LRP8: variants seen among roughly 807,000 people sequenced by gnomAD.
The protein encoded by LRP8 is low-density lipoprotein receptor-related protein 8.
In LRP8, 46 loss-of-function variants were observed where a neutral mutation model predicts 111.6. The observed-to-expected ratio is 0.41, with a 90% confidence interval of 0.33 to 0.53. LRP8 has a LOEUF of 0.53. LRP8 is among the 20% of genes least tolerant of loss of function. The pLI is 0.20. For missense variants in LRP8, 959 were observed against 1,297.4 expected (o/e 0.74, Z 4.01); for synonymous variants, 464 against 511.2 (o/e 0.91, Z 1.24).
At chr1:53,312,163 A>C (rs1206592704) in intron 2 of LRP8, among the ~76,000 whole-genome samples, 1 of 152,176 alleles carries the variant, frequency 6.6e-6, no homozygotes, top group African/African-American at 2.4e-5. Flanking sequence ...ATACGAGGTG[A>C]GCAGGGCAGA....
chr1:53,325,093 G>A (rs1314073734), intron 2 of LRP8, among the ~76,000 whole-genome samples: 1 of 152,212 alleles, frequency 6.6e-6, no homozygotes, highest in African/African-American at 2.4e-5. Context: ...CTCGTCCTCA[G>A]TACTCCCACT....
In LRP8 at chr1:53,294,665, C is replaced by T. The variant is rs961284593; in HGVS notation, c.245-4976G>A. On this transcript the variant is annotated intron_variant, in intron 2 of 18. Transcript: ENST00000306052. The surrounding 1 kb of genome is among the most constrained non-coding windows in gnomAD (Gnocchi z 4.1). ...CCGTGTGTGTAACACTGGGCCCATC[C>T]GTCAAACCTTCTGAGCTTGCCTCCT... Among the ~76,000 whole-genome samples, 1 of 152,202 alleles carries T rather than the reference C, an allele frequency of 6.6e-6. No individual in the cohort carries two copies. Among genetic ancestry groups the T allele is most frequent in the African/African-American group, 2.4e-5 (1 of 41,450 alleles).
chr1:53,285,016 C>T lies in LRP8; in HGVS notation c.368-4301G>A, dbSNP rs1647340227. ...CCAAAGGTAGGACTTGAGCCTGGCT[C>T]GCAGGGTCCCAGGTCAGGCCTCTCT... is the stretch of plus-strand genomic sequence containing the variant. On this transcript the variant is annotated intron_variant, in intron 3 of 18. Coordinates refer to ENST00000306052, the MANE Select transcript of LRP8 (RefSeq NM_004631.5). Among the ~76,000 whole-genome samples, 3 of 152,156 alleles carry T rather than the reference C, an allele frequency of 2.0e-5. 1 individual carries two copies. Among genetic ancestry groups the T allele is most frequent in the South Asian group, 4.1e-4 (2 of 4,832 alleles).
Position 53,246,975 on chromosome 1 carries a change from A to G in LRP8, c.*43T>C, listed in dbSNP as rs1176435893. The G allele has an allele frequency of 2.5e-6, 4 of 1,581,320 alleles. No individual in the cohort carries two copies. The highest frequency in any genetic ancestry group is 3.5e-6 in the Non-Finnish European group (4 of 1,154,142). On this transcript the variant is annotated 3_prime_UTR_variant, in exon 19 of 19. Transcript: ENST00000306052. Reference sequence around the variant, plus strand: ...TCATACACCATCCAGAGTGTAGTGCATGGGACTGAATTCCATGAGGCACGA... The same window carrying G: ...TCATACACCATCCAGAGTGTAGTGCGTGGGACTGAATTCCATGAGGCACGA...
In LRP8 at chr1:53,249,340, C is replaced by T. The variant is rs1053518749; in HGVS notation, c.2853+40G>A. ...CTGCGCCTGCCTTGGTTCATGCCCT[C>T]ACTCACCAGCCCCTCAGACTTAGAG... On this transcript the variant is annotated intron_variant, in intron 18 of 18. Transcript: ENST00000306052. This position sits in a 1 kb window ranked among gnomAD's most constrained non-coding sequence, Gnocchi z 4.1. 6.2e-6 allele frequency: 10 copies of T among 1,600,256 alleles called. No individual in the cohort carries two copies. In the African/African-American group the frequency reaches 6.7e-5, roughly 11 times the overall value.
chr1:53,255,332 C>G, intron 15 of LRP8, 147 bp from the exon 16 acceptor site: 1 of 698,602 alleles, frequency 1.4e-6, no homozygotes, highest in Admixed American at 2.1e-5. Flanking sequence ...TCAGTCTTTC[C>G]AGATCCTATC....
intron 9 of LRP8, 59 bp from the exon 10 acceptor site, chr1:53,264,455 G>A: frequency 1.5e-6 from 2 of 1,358,352 alleles, no homozygotes; most frequent in Non-Finnish European, 2.1e-6. Context: ...CCCATCTGGA[G>A]CTACCTGTGC....
chr1:53,294,941 G>C lies in LRP8; in HGVS notation c.245-5252C>G, dbSNP rs1478321169. On this transcript the variant is annotated intron_variant, in intron 2 of 18. Transcript: ENST00000306052. This position sits in a 1 kb window ranked among gnomAD's most constrained non-coding sequence, Gnocchi z 4.1. ...CCGGGCTGCCCAGGGGCACTGCTCT[G>C]TGCAGCTTCCTCTTGGCAATCCGAA... Among the ~76,000 whole-genome samples, 1 of 152,230 alleles carries C rather than the reference G, an allele frequency of 6.6e-6. No homozygotes were observed. Among genetic ancestry groups the C allele is most frequent in the African/African-American group, 2.4e-5 (1 of 41,456 alleles).
At chr1:53,326,149 G>A (rs1156996464) in intron 2 of LRP8, among the ~76,000 whole-genome samples, 1 of 152,244 alleles carries the variant, frequency 6.6e-6, no homozygotes, top group Non-Finnish European at 1.5e-5. Context: ...AGCCGGGCAG[G>A]GCTAGCAGGA....
chr1:53,274,873 G>A, intron 6 of LRP8: 1 of 455,516 alleles, frequency 2.2e-6, no homozygotes, highest in South Asian at 1.5e-5. Flanking sequence ...TGGACAAGAA[G>A]GGCTGGGCTG....
intron 10 of LRP8, among the ~76,000 whole-genome samples, chr1:53,263,753 G>A (rs1646437474): frequency 6.6e-6 from 1 of 152,204 alleles, no homozygotes; most frequent in African/African-American, 2.4e-5. Flanking sequence ...TTGGCATTAT[G>A]AGGGGAAAAG....
Position 53,249,804 on chromosome 1 carries a change from C to T in LRP8, c.2677-248G>A, listed in dbSNP as rs1645839217. ...TCTGTCACCTTCTCTGTGAGGCATT[C>T]CTTGCCTGATTCCCCAGACAGAATT... is the stretch of plus-strand genomic sequence containing the variant. On this transcript the variant is annotated intron_variant, in intron 17 of 18. Transcript: ENST00000306052. The surrounding 1 kb of genome is among the most constrained non-coding windows in gnomAD (Gnocchi z 4.1). Among the ~76,000 whole-genome samples, 1 of 152,222 alleles carries T rather than the reference C, an allele frequency of 6.6e-6. No individual in the cohort carries two copies. Among genetic ancestry groups the T allele is most frequent in the Non-Finnish European group, 1.5e-5 (1 of 68,046 alleles).
chr1:53,266,696 G>A lies in LRP8; in HGVS notation c.1253-49C>T. 6.4e-7 allele frequency: 1 copy of A among 1,568,130 alleles called. No individual in the cohort carries two copies. Among genetic ancestry groups the A allele is most frequent in the South Asian group, 1.1e-5 (1 of 89,600 alleles). ...AGAAAGAGTCAGTGCAAGAGGCAGG[G>A]AGCCTGGAGACCAAGACTCTGCCAC... On this transcript the variant is annotated intron_variant, in intron 8 of 18. Transcript: ENST00000306052. This position sits in a 1 kb window ranked among gnomAD's most constrained non-coding sequence, Gnocchi z 5.0.
At chr1:53,299,416 G>A (rs1244777540) in intron 2 of LRP8, among the ~76,000 whole-genome samples, 1 of 152,228 alleles carries the variant, frequency 6.6e-6, no homozygotes, top group Non-Finnish European at 1.5e-5. Flanking sequence ...AGCCTCACTG[G>A]CCCATCCCGG....
At chr1:53,298,606 C>A (rs1650204618) in intron 2 of LRP8, among the ~76,000 whole-genome samples, 1 of 152,176 alleles carries the variant, frequency 6.6e-6, no homozygotes, top group South Asian at 2.1e-4. Flanking sequence ...CTTCCAGAGG[C>A]CAGAAGGCAA....
rs1018686926 is a variant in LRP8, at chr1:53,242,819, T to C, written c.*4199A>G. 6.8e-6 allele frequency: 1 copy of C among 148,062 alleles called. No homozygotes were observed. The highest frequency in any genetic ancestry group is 2.5e-5 in the African/African-American group (1 of 40,248). 9.2% of individuals were successfully genotyped at this position (148,062 alleles called of 1,614,324 possible). ...CTCTTGTAGTTTTTGTAAAAAAGTA[T>C]CAAAACCTTGGCTTTAAATATATAT... On this transcript the variant is annotated 3_prime_UTR_variant, in exon 19 of 19. Transcript: ENST00000306052.
chr1:53,316,859 G>C (rs879788271), intron 2 of LRP8, among the ~76,000 whole-genome samples: 1 of 152,194 alleles, frequency 6.6e-6, no homozygotes, highest in Non-Finnish European at 1.5e-5. Flanking sequence ...GCTGTGGCAG[G>C]GGGCAGGCCA....
At chr1:53,301,609 C>T (rs549933467) in intron 2 of LRP8, among the ~76,000 whole-genome samples, 3 of 152,102 alleles carry the variant, frequency 2.0e-5, no homozygotes, top group Admixed American at 6.6e-5. Context: ...TACACATCTG[C>T]AGTCCCAGCT....
intron 2 of LRP8, chr1:53,305,942 G>C (rs1190665604): frequency 6.6e-6 from 1 of 152,332 alleles, no homozygotes; most frequent in South Asian, 2.1e-4. Context: ...ATGAGGCCCA[G>C]ACTGCCAGGG....
Sources: allele counts gnomAD v4.1 joint callset (sites outside exome capture counted in the v4.1 genomes callset), GRCh38; gene constraint gnomAD v4.1.1; non-coding constraint Gnocchi (gnomAD v3.1); transcripts MANE v1.5; gene names NCBI Gene and HGNC (gene_info 2026-07-23, HGNC 2026-07-21).